The following ASXL2 variants were observed in gnomAD, a reference collection of about 807,000 sequenced individuals.
The protein encoded by ASXL2 is putative Polycomb group protein ASXL2.
Under a neutral mutation model 122.0 loss-of-function variants are expected in ASXL2, and 23 were observed. The observed-to-expected ratio is 0.19, with a 90% CI of 0.14 to 0.27. ASXL2 has a LOEUF of 0.27. Among genes scored for constraint, ASXL2 ranks in the 10% least tolerant of loss-of-function variants. The probability of loss-of-function intolerance (pLI) is 1.00; values close to 1 mark genes in which losing one functional copy is unlikely to be tolerated. For synonymous variants in ASXL2, 650 were observed against 637.0 expected (o/e 1.02, Z -0.31); for missense variants, 1,518 against 1,713.8 (o/e 0.89, Z 2.02).
chr2:25,865,908 G>A (rs2089899052), intron 1 of ASXL2, among the ~76,000 whole-genome samples: 1 of 151,484 alleles, frequency 6.6e-6, no homozygotes, highest in Admixed American at 6.6e-5. Context: ...GACCTGAGAT[G>A]TGCTCTGTGG....
chr2:25,834,846 G>A (rs907824527), intron 3 of ASXL2, among the ~76,000 whole-genome samples: 1 of 151,214 alleles, frequency 6.6e-6, no homozygotes, highest in African/African-American at 2.4e-5. Context: ...TTTTTTAGAC[G>A]GAGTCTTGCT....
chr2:25,740,963 T>C lies in ASXL2; in HGVS notation c.*1066A>G, dbSNP rs1413641617. On this transcript the variant is annotated 3_prime_UTR_variant, in exon 13 of 13. Coordinates refer to ENST00000435504, the MANE Select transcript of ASXL2 (RefSeq NM_018263.6). ...GAGCTTTTCTACCTGCAACAGCAGCTGACTATCTAGCACTAGGTTAACAGG... is the reference window on the plus strand; with the variant it reads ...GAGCTTTTCTACCTGCAACAGCAGCCGACTATCTAGCACTAGGTTAACAGG... 2 of 192,848 alleles carry C rather than the reference T, an allele frequency of 1.0e-5. No individual in the cohort carries two copies. The highest frequency in any genetic ancestry group is 2.3e-5 in the African/African-American group (1 of 43,124). 11.9% of individuals were successfully genotyped at this position (192,848 alleles called of 1,614,324 possible). A position where few individuals can be genotyped will look rare whatever the true frequency, so the allele number is the denominator to read the frequency against.
intron 1 of ASXL2, among the ~76,000 whole-genome samples, chr2:25,869,588 G>A (rs1489272771): frequency 3.9e-5 from 6 of 151,964 alleles, no homozygotes; most frequent in Non-Finnish European, 8.8e-5. Context: ...TTGGGAGGTC[G>A]AGGTGGTTGG....
intron 1 of ASXL2, among the ~76,000 whole-genome samples, chr2:25,848,706 A>G (rs1217801039): frequency 6.6e-6 from 1 of 151,994 alleles, no homozygotes; most frequent in Non-Finnish European, 1.5e-5. Flanking sequence ...ACTGATTTCC[A>G]AGATGTTCTG....
At chr2:25,785,210 CTTAT>C (rs998488518) in intron 5 of ASXL2, among the ~76,000 whole-genome samples, 18 of 151,968 alleles carry the variant, frequency 1.2e-4, no homozygotes, top group African/African-American at 2.9e-4. Flanking sequence ...TTCTCCCAAA[CTTAT>C]TTATTTATTT....
chr2:25,854,093 T>G (rs1240443332), intron 1 of ASXL2, among the ~76,000 whole-genome samples: 1 of 152,144 alleles, frequency 6.6e-6, no homozygotes, highest in Non-Finnish European at 1.5e-5. Flanking sequence ...TGTAAGCTCA[T>G]GGGCATAGTT....
chr2:25,856,689 G>C (rs1039536163), intron 1 of ASXL2: 136 of 1,282,748 alleles, frequency 1.1e-4, no homozygotes, highest in Non-Finnish European at 8.4e-5. Context: ...GTTAGAGTGA[G>C]CCAGTTTGCA....
chr2:25,738,438 C>T lies in ASXL2; in HGVS notation c.*3591G>A, dbSNP rs1194177107. The T allele has an allele frequency of 6.6e-6, 1 of 152,168 alleles. No individual in the cohort carries two copies. The highest frequency in any genetic ancestry group is 1.5e-5 in the Non-Finnish European group (1 of 68,036). 9.4% of individuals were successfully genotyped at this position (152,168 alleles called of 1,614,324 possible). On this transcript the variant is annotated 3_prime_UTR_variant, in exon 13 of 13. Transcript: ENST00000435504. ...ATTCTATAAATTGAGCTGAAAACTA[C>T]CCTTGGCCAAGTTACTTACTTAGCA...
intron 5 of ASXL2, among the ~76,000 whole-genome samples, chr2:25,778,815 A>G (rs958877643): frequency 6.6e-6 from 1 of 152,162 alleles, no homozygotes; most frequent in Non-Finnish European, 1.5e-5. Context: ...TTTGGCCCAG[A>G]CCTGGATCAA....
At chr2:25,874,952 G>A (rs1486845054) in intron 1 of ASXL2, among the ~76,000 whole-genome samples, 1 of 151,766 alleles carries the variant, frequency 6.6e-6, no homozygotes, top group African/African-American at 2.4e-5. Flanking sequence ...GAATGGTGGC[G>A]CACACCTGCA....
intron 2 of ASXL2, among the ~76,000 whole-genome samples, chr2:25,843,924 G>A (rs1339918471): frequency 6.6e-6 from 1 of 151,872 alleles, no homozygotes; most frequent in Non-Finnish European, 1.5e-5. Context: ...ACAAATATTT[G>A]GGCATAGCTT....
Position 25,810,306 on chromosome 2 carries a change from T to A in ASXL2, c.144-3969A>T, listed in dbSNP as rs541719391. ...CACCTCTTCATACTTCCTATCTGCC[T>A]ATTCTGCAGTGTGTTTAGCTTCTTT... On this transcript the variant is annotated intron_variant, in intron 3 of 12. Coordinates refer to ENST00000435504, the MANE Select transcript of ASXL2 (RefSeq NM_018263.6). The A allele has an allele frequency of 5.7e-5, 37 of 648,410 alleles. No individual in the cohort carries two copies. In the African/African-American group the frequency reaches 6.3e-4, roughly 11 times the overall value. 40.2% of individuals were successfully genotyped at this position (648,410 alleles called of 1,614,324 possible).
chr2:25,830,227 C>A lies in ASXL2; in HGVS notation c.143+5311G>T, dbSNP rs75790879. ...TGCCAGCTTAAATAAGACTGGACAT[C>A]CCCTAACATGATAGCCAAAATATCC... On this transcript the variant is annotated intron_variant, in intron 3 of 12. Coordinates refer to ENST00000435504, the MANE Select transcript of ASXL2 (RefSeq NM_018263.6). 2.4e-3 allele frequency among the ~76,000 whole-genome samples: 365 copies of A among 152,320 alleles called. 2 individuals carry two copies. Among genetic ancestry groups the A allele is most frequent in the African/African-American group, 8.4e-3 (348 of 41,568 alleles).
intron 3 of ASXL2, among the ~76,000 whole-genome samples, chr2:25,824,524 AATAG>A (rs968158479): frequency 3.7e-4 from 56 of 152,236 alleles, no homozygotes; most frequent in Admixed American, 2.2e-3. Context: ...AAATTCAGCA[AATAG>A]ATAGAAGTTT....
intron 3 of ASXL2, among the ~76,000 whole-genome samples, chr2:25,819,840 C>T (rs1369391338): frequency 1.1e-4 from 17 of 152,138 alleles, no homozygotes. Context: ...AACTATTTTA[C>T]CCTGTAGTTA....
intron 1 of ASXL2, among the ~76,000 whole-genome samples, chr2:25,869,514 T>C (rs2089943271): frequency 6.6e-6 from 1 of 152,070 alleles, no homozygotes; most frequent in Non-Finnish European, 1.5e-5. Flanking sequence ...TCCTTCTTCT[T>C]GTCCACAATA....
chr2:25,800,494 G>T (rs1242385212), intron 4 of ASXL2, among the ~76,000 whole-genome samples: 4 of 152,106 alleles, frequency 2.6e-5, no homozygotes, highest in African/African-American at 9.7e-5. Context: ...TTTTTTAAAT[G>T]AAGGTTCTTC....
Position 25,852,639 on chromosome 2 carries a change from C to T in ASXL2, c.58-7076G>A, listed in dbSNP as rs145018474. On this transcript the variant is annotated intron_variant, in intron 1 of 12. Transcript: ENST00000435504. ...AATATAGAGTGAGAAGAGATGAGGG[C>T]TTCTGCTATAGAACAATATATCAAC... Among the ~76,000 whole-genome samples, 1,139 of 152,234 alleles carry T rather than the reference C, an allele frequency of 7.5e-3. 10 individuals carry two copies. Among genetic ancestry groups the T allele is most frequent in the Non-Finnish European group, 0.011 (780 of 68,012 alleles).
intron 5 of ASXL2, among the ~76,000 whole-genome samples, chr2:25,781,959 C>CTTT (rs1327580113): frequency 0.28 from 24,903 of 87,592 alleles, 7,290 homozygotes; most frequent in Non-Finnish European, 0.4. Context: ...ACCGCCCGGG[C>CTTT]TTTTTTCTTT....
Sources: gnomAD v4.1 joint callset for allele counts (sites outside exome capture counted in the v4.1 genomes callset) on GRCh38, gnomAD v4.1.1 for gene constraint, MANE v1.5 for transcripts, NCBI Gene and HGNC (gene_info 2026-07-23, HGNC 2026-07-21) for gene names.